The following LUZP2 variants were observed in gnomAD, a reference collection of about 807,000 sequenced individuals.
LUZP2 encodes leucine zipper protein 2.
A neutral mutation model predicts 51.6 loss-of-function variants in LUZP2; 52 were observed. The ratio of observed to expected loss-of-function variants is 1.01; its 90% confidence interval spans 0.81 to 1.27. The LOEUF (loss-of-function observed/expected upper bound fraction) is 1.27, where lower values mean the gene tolerates loss of function less well. Ranked by LOEUF, LUZP2 falls within the 50% of genes most tolerant of loss-of-function variation. The probability of loss-of-function intolerance (pLI) is 0.00; values close to 1 mark genes in which losing one functional copy is unlikely to be tolerated. For synonymous variants in LUZP2, 154 were observed against 137.3 expected, an observed-to-expected ratio of 1.12 and a Z score of -0.85; for missense variants, 436 against 395.4, an observed-to-expected ratio of 1.10 and a Z score of -0.87.
chr11:24,914,448 A>G, intron 6 of LUZP2, 28 bp from the exon 7 acceptor site: 1 of 1,529,488 alleles, frequency 6.5e-7, no homozygotes, highest in South Asian at 1.2e-5. Flanking sequence ...AATGAGTTAC[A>G]CAACTTATCC....
intron 10 of LUZP2, among the ~76,000 whole-genome samples, chr11:25,065,485 G>C (rs961171712): frequency 6.6e-6 from 1 of 151,854 alleles, no homozygotes; most frequent in African/African-American, 2.4e-5. Context: ...TTAAAAATAC[G>C]AAAATTGAGA....
intron 7 of LUZP2, among the ~76,000 whole-genome samples, chr11:24,966,277 T>A (rs1855580342): frequency 6.6e-6 from 1 of 151,642 alleles, no homozygotes; most frequent in Non-Finnish European, 1.5e-5. Flanking sequence ...TGTCTTCTTA[T>A]TGTTGAGCTG....
chr11:24,647,512 C>G (rs928345535), intron 1 of LUZP2, among the ~76,000 whole-genome samples: 1 of 151,860 alleles, frequency 6.6e-6, no homozygotes, highest in South Asian at 2.1e-4. Context: ...AAATTATTTT[C>G]TTTCATGAGA....
intron 8 of LUZP2, among the ~76,000 whole-genome samples, chr11:24,979,408 A>G (rs10834562): frequency 0.37 from 56,286 of 151,656 alleles, 12,639 homozygotes; most frequent in East Asian, 0.71. Flanking sequence ...ACTACAGTTT[A>G]ATGAAATAGA....
intron 1 of LUZP2, among the ~76,000 whole-genome samples, chr11:24,501,033 T>C (rs958663215): frequency 4.6e-5 from 7 of 152,294 alleles, no homozygotes; most frequent in Admixed American, 1.3e-4. Context: ...CAAGAAGCAG[T>C]CTCACCTTAA....
chr11:24,879,701 G>A (rs1565043059), intron 5 of LUZP2, among the ~76,000 whole-genome samples: 1 of 151,968 alleles, frequency 6.6e-6, no homozygotes, highest in Non-Finnish European at 1.5e-5. Context: ...TATGTTTGTT[G>A]GCCATTAATA....
At chr11:24,861,242 C>G (rs1381790070) in intron 5 of LUZP2, among the ~76,000 whole-genome samples, 2 of 151,410 alleles carry the variant, frequency 1.3e-5, no homozygotes, top group Admixed American at 6.6e-5. Context: ...GACATGCAGA[C>G]AAGAATAGGG....
At chr11:24,772,191 A>C (rs752240027) in intron 5 of LUZP2, among the ~76,000 whole-genome samples, 1 of 152,234 alleles carries the variant, frequency 6.6e-6, no homozygotes, top group Admixed American at 6.5e-5. Flanking sequence ...AAAATAAAAA[A>C]AACAATAAAG....
intron 1 of LUZP2, among the ~76,000 whole-genome samples, chr11:24,717,407 T>A (rs1019932587): frequency 6.7e-6 from 1 of 149,748 alleles, no homozygotes; most frequent in African/African-American, 2.5e-5. Flanking sequence ...TAGAACCCAA[T>A]AGTTTTTTTT....
At chr11:24,756,088 A>G (rs1293376970) in intron 4 of LUZP2, among the ~76,000 whole-genome samples, 1 of 152,034 alleles carries the variant, frequency 6.6e-6, no homozygotes, top group African/African-American at 2.4e-5. Context: ...AACCCCAAGC[A>G]TTTCTTTCTG....
At chr11:24,717,756 T>C (rs1416842562) in intron 1 of LUZP2, among the ~76,000 whole-genome samples, 4 of 152,052 alleles carry the variant, frequency 2.6e-5, no homozygotes, top group Admixed American at 6.6e-5. Flanking sequence ...CCTCCCTCCC[T>C]TCACCCTCCA....
chr11:24,784,394 G>A (rs1449930125), intron 5 of LUZP2, among the ~76,000 whole-genome samples: 3 of 151,582 alleles, frequency 2.0e-5, no homozygotes, highest in African/African-American at 7.3e-5. Context: ...AATTATAAGG[G>A]TATATTGTCA....
intron 5 of LUZP2, among the ~76,000 whole-genome samples, chr11:24,793,552 C>A (rs1471320672): frequency 1.3e-5 from 2 of 152,176 alleles, no homozygotes; most frequent in Middle Eastern, 3.4e-3. Context: ...TTGCACCTGA[C>A]AAAATTAAAC....
chr11:24,987,312 T>C (rs1856215463), intron 9 of LUZP2, among the ~76,000 whole-genome samples: 1 of 151,954 alleles, frequency 6.6e-6, no homozygotes, highest in African/African-American at 2.4e-5. Context: ...CAAATAAGTG[T>C]AACTTCAGTT....
At chr11:24,635,687 C>A (rs1855074469) in intron 1 of LUZP2, among the ~76,000 whole-genome samples, 1 of 152,256 alleles carries the variant, frequency 6.6e-6, no homozygotes, top group South Asian at 2.1e-4. Context: ...TTTAAAACCT[C>A]ATCTGTAATG....
At chr11:24,777,481 T>C (rs1421416393) in intron 5 of LUZP2, among the ~76,000 whole-genome samples, 4 of 152,134 alleles carry the variant, frequency 2.6e-5, no homozygotes, top group Non-Finnish European at 5.9e-5. Flanking sequence ...TAAGACTTAG[T>C]ATAAACACTA....
intron 7 of LUZP2, among the ~76,000 whole-genome samples, chr11:24,920,351 T>C (rs1369799023): frequency 2.0e-5 from 3 of 152,012 alleles, no homozygotes; most frequent in African/African-American, 7.2e-5. Flanking sequence ...TAGTGATACA[T>C]TTTTCCCTGT....
At chr11:24,729,111 T>A (rs1165924445) in intron 1 of LUZP2, 58 bp from the exon 2 acceptor site, 1 of 783,168 alleles carries the variant, frequency 1.3e-6, no homozygotes, top group East Asian at 2.9e-5. Context: ...TTAGTGATTA[T>A]GACTGATGCC....
At chr11:25,011,749 T>C (rs553083048) in intron 9 of LUZP2, among the ~76,000 whole-genome samples, 10 of 152,260 alleles carry the variant, frequency 6.6e-5, no homozygotes, top group Admixed American at 3.3e-4. Flanking sequence ...ACATGTGATA[T>C]TTTGTTGCAA....
Sources: allele counts gnomAD v4.1 joint callset (sites outside exome capture counted in the v4.1 genomes callset), GRCh38; gene constraint gnomAD v4.1.1; transcripts MANE v1.5; gene names NCBI Gene and HGNC (gene_info 2026-07-23, HGNC 2026-07-21).